SLC13A4: variants seen among roughly 807,000 people sequenced by gnomAD.
SLC13A4 encodes solute carrier family 13 member 4.
Under a neutral mutation model 72.7 loss-of-function variants are expected in SLC13A4, and 28 were observed. The observed-to-expected ratio is 0.39, with a 90% confidence interval of 0.29 to 0.53. The LOEUF (loss-of-function observed/expected upper bound fraction) is 0.53, where lower values mean the gene tolerates loss of function less well. Ranked by LOEUF, SLC13A4 falls within the 20% of genes least tolerant of loss-of-function variation. The pLI is 0.78. For missense variants in SLC13A4, 653 were observed against 788.0 expected, an observed-to-expected ratio of 0.83 and a Z score of 2.05; for synonymous variants, 312 against 325.5, an observed-to-expected ratio of 0.96 and a Z score of 0.45.
chr7:135,718,113 T>C (rs3110813), intron 2 of SLC13A4, among the ~76,000 whole-genome samples: 45,472 of 150,610 alleles, frequency 0.3, 7,367 homozygotes, highest in African/African-American at 0.38. Context: ...GCGTGCGCGC[T>C]AGTCTCCTCT....
At chr7:135,723,957 T>C (rs1796598676) in intron 1 of SLC13A4, among the ~76,000 whole-genome samples, 1 of 152,130 alleles carries the variant, frequency 6.6e-6, no homozygotes, top group Non-Finnish European at 1.5e-5. Context: ...TTTAGAGAAA[T>C]ACCCTGTTTG....
intron 13 of SLC13A4, among the ~76,000 whole-genome samples, chr7:135,686,704 G>A (rs2129493798): frequency 6.6e-6 from 1 of 152,276 alleles, no homozygotes; most frequent in East Asian, 1.9e-4. Context: ...AGATATGAAG[G>A]CATATTGACC....
chr7:135,708,351 A>G, intron 2 of SLC13A4, 101 bp from the exon 3 acceptor site: 1 of 1,500,762 alleles, frequency 6.7e-7, no homozygotes, highest in Non-Finnish European at 9.1e-7. Context: ...CCTGTTCTCA[A>G]TCAAAGAGGC....
chr7:135,697,246 A>G (rs1240359552), intron 8 of SLC13A4, among the ~76,000 whole-genome samples: 1 of 152,272 alleles, frequency 6.6e-6, no homozygotes, highest in African/African-American at 2.4e-5. Flanking sequence ...CTATGCCTTC[A>G]GCCTAAGCAT....
At chr7:135,709,025 G>A (rs1401860379) in intron 2 of SLC13A4, among the ~76,000 whole-genome samples, 1 of 144,388 alleles carries the variant, frequency 6.9e-6, no homozygotes, top group Non-Finnish European at 1.5e-5. Context: ...CGCTTCCTGG[G>A]TTCACGCCAT....
At chr7:135,711,963 A>ATTTTTTTTTTTTTTTTTTTTTTTTTT (rs529940903) in intron 2 of SLC13A4, among the ~76,000 whole-genome samples, 5 of 46,898 alleles carry the variant, frequency 1.1e-4, no homozygotes, top group East Asian at 9.2e-4. Flanking sequence ...ATGTTTTTGG[A>ATTTTTTTTTTTTTTTTTTTTTTTTTT]TTTTTTTTTT....
At chr7:135,705,338 G>A (rs1449975885) in intron 5 of SLC13A4, 1 of 436,336 alleles carries the variant, frequency 2.3e-6, no homozygotes, top group Non-Finnish European at 4.1e-6. Flanking sequence ...TATCCACTGA[G>A]ATTCAGTGTG....
At chr7:135,700,086 T>C (rs1795995911) in intron 7 of SLC13A4, among the ~76,000 whole-genome samples, 1 of 152,110 alleles carries the variant, frequency 6.6e-6, no homozygotes, top group African/African-American at 2.4e-5. Context: ...GACTAAAAAA[T>C]ACACCTGGAT....
chr7:135,691,696 G>A (rs559389356), intron 11 of SLC13A4, 51 bp from the exon 12 acceptor site: 12 of 1,267,208 alleles, frequency 9.5e-6, no homozygotes, highest in African/African-American at 4.4e-5. Context: ...ATTTTCAGGA[G>A]TAACATGATG....
intron 2 of SLC13A4, among the ~76,000 whole-genome samples, chr7:135,711,963 ATTTTTTTTTT>A (rs529940903): frequency 0.025 from 1,183 of 46,860 alleles, 19 homozygotes; most frequent in East Asian, 0.13. Flanking sequence ...ATGTTTTTGG[ATTTTTTTTTT>A]TTTTTTTTTT....
intron 1 of SLC13A4, among the ~76,000 whole-genome samples, chr7:135,724,101 G>A (rs979546574): frequency 3.9e-5 from 6 of 152,166 alleles, no homozygotes; most frequent in African/African-American, 7.2e-5. Context: ...GCCCCTCACT[G>A]GGGACCCTTA....
chr7:135,727,258 G>T, intron 1 of SLC13A4, 140 bp downstream of exon 1: 1 of 1,151,492 alleles, frequency 8.7e-7, no homozygotes, highest in Non-Finnish European at 1.2e-6. Context: ...GGTTTCCTCT[G>T]GAAAAATCCT....
chr7:135,681,566 G>A lies in SLC13A4; in HGVS notation c.1881C>T (p.Ala627=). 6.2e-7 allele frequency: 1 copy of A among 1,613,562 alleles called. No homozygotes were observed. The highest frequency in any genetic ancestry group is 8.5e-7 in the Non-Finnish European group (1 of 1,179,638). The change falls in exon 16 of 16, where the codon GCC becomes GCT. Residue 627 remains alanine (A), a synonymous_variant. Coordinates refer to ENST00000682651, the MANE Select transcript of SLC13A4 (RefSeq NM_001318192.2). The part of the protein sequence containing the change: ...WARVSNITDQ[A] Reference sequence around the variant, plus strand: ...GGGCCAGTTTGTACACTTGGCGTTAGGCTTGATCAGTGATGTTGCTGACCC... The same window carrying A: ...GGGCCAGTTTGTACACTTGGCGTTAAGCTTGATCAGTGATGTTGCTGACCC...
chr7:135,684,077 G>T (rs772046509), intron 15 of SLC13A4, 47 bp downstream of exon 15: 87 of 1,547,554 alleles, frequency 5.6e-5, no homozygotes, highest in Non-Finnish European at 7.5e-5. Flanking sequence ...TGTCATCCCT[G>T]TCCTCATGGC....
At chr7:135,714,301 C>T (rs1796367545) in intron 2 of SLC13A4, among the ~76,000 whole-genome samples, 1 of 152,232 alleles carries the variant, frequency 6.6e-6, no homozygotes, top group Non-Finnish European at 1.5e-5. Flanking sequence ...ACTGGAGACA[C>T]TGATTCATAA....
intron 5 of SLC13A4, chr7:135,703,110 T>A (rs1418372105): frequency 1.8e-6 from 1 of 567,230 alleles, no homozygotes; most frequent in African/African-American, 1.9e-5. Flanking sequence ...GGGCAGCACT[T>A]TCCTTTGATA....
intron 2 of SLC13A4, among the ~76,000 whole-genome samples, chr7:135,717,264 T>C (rs34713092): frequency 0.35 from 53,569 of 151,774 alleles, 9,693 homozygotes; most frequent in Middle Eastern, 0.45. Context: ...GAGAAATTCT[T>C]TTTTTCCCCC....
At chr7:135,727,348 T>C in intron 1 of SLC13A4, 50 bp downstream of exon 1, 1 of 1,537,540 alleles carries the variant, frequency 6.5e-7, no homozygotes, top group South Asian at 1.2e-5. Context: ...CTCCCCTCTT[T>C]GCCCTCCCAC....
chr7:135,701,571 G>C (rs1796035890), intron 7 of SLC13A4, 109 bp downstream of exon 7: 1 of 1,078,056 alleles, frequency 9.3e-7, no homozygotes, highest in South Asian at 1.3e-5. Context: ...TGAGTGCCTG[G>C]TGACAGCTCA....
Sources: allele counts gnomAD v4.1 joint callset (sites outside exome capture counted in the v4.1 genomes callset), GRCh38; gene constraint gnomAD v4.1.1; transcripts MANE v1.5; gene names NCBI Gene and HGNC (gene_info 2026-07-23, HGNC 2026-07-21).